IL1RAPL2: variants seen among roughly 807,000 people sequenced by gnomAD.
IL1RAPL2 encodes the protein interleukin 1 receptor accessory protein like 2.
In IL1RAPL2, 3 loss-of-function variants were observed where a neutral mutation model predicts 44.1. The observed-to-expected ratio is 0.07, with a 90% CI of 0.03 to 0.18. The LOEUF (loss-of-function observed/expected upper bound fraction) is 0.18. Ranked by LOEUF, IL1RAPL2 falls within the 10% of genes least tolerant of loss-of-function variation. The pLI, the probability that IL1RAPL2 is intolerant of heterozygous loss-of-function variation, is 1.00. For synonymous variants in IL1RAPL2, 181 were observed against 178.8 expected, an observed-to-expected ratio of 1.01 and a Z score of -0.10; for missense variants, 391 against 496.4, an observed-to-expected ratio of 0.79 and a Z score of 2.02.
chrX:105,558,211 G>C (rs1448572488), intron 6 of IL1RAPL2, among the ~76,000 whole-genome samples: 1 of 111,266 alleles, frequency 9.0e-6, no homozygotes, highest in Non-Finnish European at 1.9e-5. Flanking sequence ...GTGACTTTTT[G>C]TGTCTCAAAA....
At chrX:105,753,567 G>A (rs1225709717) in intron 9 of IL1RAPL2, among the ~76,000 whole-genome samples, 1 of 111,184 alleles carries the variant, frequency 9.0e-6, no homozygotes. Flanking sequence ...TTGGAACAAG[G>A]GCAGAGGTGC....
Position 104,673,257 on chromosome X carries a change from G to C in IL1RAPL2, c.82+14262G>C, listed in dbSNP as rs1349289499. On this transcript the variant is annotated intron_variant, in intron 2 of 10. Transcript: ENST00000372582. ...TCTAACGTTTAAGTCTTTAATCCAT[G>C]TTGAACTGATTTTTGTATAAGGTGT... Among the ~76,000 whole-genome samples the C allele has an allele frequency of 3.6e-5, 4 of 111,508 alleles. No individual in the cohort carries two copies. In the East Asian group the frequency reaches 1.1e-3, roughly 32 times the overall value.
At chrX:105,573,115 A>G (rs1484655383) in intron 6 of IL1RAPL2, among the ~76,000 whole-genome samples, 3 of 110,982 alleles carry the variant, frequency 2.7e-5, no homozygotes, top group Non-Finnish European at 3.8e-5. Flanking sequence ...CTGGAGTGCA[A>G]TGGTGTGATC....
At chrX:104,814,761 T>A (rs1249906788) in intron 2 of IL1RAPL2, among the ~76,000 whole-genome samples, 3 of 112,354 alleles carry the variant, frequency 2.7e-5, no homozygotes, top group Non-Finnish European at 5.6e-5. Context: ...TGTGGCAGTC[T>A]GCATTATACA....
At chrX:104,751,973 G>A (rs939459240) in intron 2 of IL1RAPL2, among the ~76,000 whole-genome samples, 2 of 111,103 alleles carry the variant, frequency 1.8e-5, no homozygotes, top group African/African-American at 6.5e-5. Context: ...TAACAAAACA[G>A]CAATCACCCC....
intron 4 of IL1RAPL2, among the ~76,000 whole-genome samples, chrX:105,236,261 C>T (rs781838328): frequency 8.9e-6 from 1 of 112,141 alleles, no homozygotes; most frequent in Admixed American, 9.5e-5. Flanking sequence ...CATACTCAAG[C>T]AATTTACTGC....
chrX:105,219,384 G>C lies in IL1RAPL2; in HGVS notation c.357-14434G>C, dbSNP rs1388477620. 1.2e-5 allele frequency: 15 copies of C among 1,208,353 alleles called. 1 individual carries two copies. In the Middle Eastern group the frequency reaches 1.1e-3, roughly 93 times the overall value. ...CAGAGAAATAAGATGTGGCTGTTTC[G>C]ACCGACCGGAGATCTCCCTCCTTCT... is the stretch of plus-strand genomic sequence containing the variant. On this transcript the variant is annotated intron_variant, in intron 3 of 10. Transcript: ENST00000372582.
At chrX:105,709,551 T>C (rs1479364383) in intron 6 of IL1RAPL2, among the ~76,000 whole-genome samples, 1 of 111,677 alleles carries the variant, frequency 9.0e-6, no homozygotes, top group Non-Finnish European at 1.9e-5. Context: ...ATTCTCTCAG[T>C]TGACCCTATA....
In IL1RAPL2 at chrX:104,611,930, G is replaced by C. The variant is rs146875010; in HGVS notation, c.-20+44879G>C. Reference sequence around the variant, plus strand: ...ATGGGACCCATTGAGCCAGGCACCAGAGGGAATCTCCTGGGATGCAGACCA... The same window carrying C: ...ATGGGACCCATTGAGCCAGGCACCACAGGGAATCTCCTGGGATGCAGACCA... On this transcript the variant is annotated intron_variant, in intron 1 of 10. Transcript: ENST00000372582. 5.3e-3 allele frequency among the ~76,000 whole-genome samples: 582 copies of C among 109,853 alleles called. 5 individuals are homozygous for C. The highest frequency in any genetic ancestry group is 0.018 in the African/African-American group (551 of 30,252).
intron 2 of IL1RAPL2, among the ~76,000 whole-genome samples, chrX:104,982,168 G>A (rs772413929): frequency 1.8e-5 from 2 of 110,447 alleles, no homozygotes; most frequent in South Asian, 3.8e-4. Flanking sequence ...AACTGATCAC[G>A]TGATTCCTGT....
chrX:105,157,387 A>G (rs1043676569), intron 2 of IL1RAPL2, among the ~76,000 whole-genome samples: 1 of 111,690 alleles, frequency 9.0e-6, no homozygotes, highest in Non-Finnish European at 1.9e-5. Context: ...GAAAAGTTCT[A>G]TCTTCAAGTC....
At chrX:105,546,459 A>G (rs1242996555) in intron 6 of IL1RAPL2, among the ~76,000 whole-genome samples, 3 of 108,467 alleles carry the variant, frequency 2.8e-5, no homozygotes, top group Non-Finnish European at 3.8e-5. Flanking sequence ...AAGGAAAATA[A>G]GAAAGGTATC....
intron 2 of IL1RAPL2, among the ~76,000 whole-genome samples, chrX:104,700,144 A>G (rs182188720): frequency 6.9e-4 from 78 of 112,243 alleles, no homozygotes; most frequent in Admixed American, 5.3e-3. Context: ...TAATGTACAG[A>G]TAAGCAAATT....
At chrX:105,319,144 G>A (rs754544614) in intron 5 of IL1RAPL2, among the ~76,000 whole-genome samples, 9 of 111,821 alleles carry the variant, frequency 8.0e-5, no homozygotes, top group Admixed American at 7.6e-4. Context: ...GCTTTGAGAT[G>A]AGCTTTTTCT....
At chrX:105,355,927 A>T (rs1363991977) in intron 5 of IL1RAPL2, among the ~76,000 whole-genome samples, 1 of 111,143 alleles carries the variant, frequency 9.0e-6, no homozygotes, top group Non-Finnish European at 1.9e-5. Context: ...AATAGGCTAT[A>T]CAATCTAAGA....
intron 2 of IL1RAPL2, among the ~76,000 whole-genome samples, chrX:104,816,130 G>GA (rs1444180051): frequency 2.7e-5 from 3 of 110,582 alleles, no homozygotes; most frequent in Non-Finnish European, 5.7e-5. Flanking sequence ...GGCCTGCTTA[G>GA]AAAAAAAATA....
intron 2 of IL1RAPL2, among the ~76,000 whole-genome samples, chrX:104,917,279 A>G (rs1265360566): frequency 8.9e-6 from 1 of 111,827 alleles, no homozygotes; most frequent in Non-Finnish European, 1.9e-5. Context: ...GTTTATTGAA[A>G]GTGAAAGAAA....
chrX:105,604,456 T>C (rs1006283669), intron 6 of IL1RAPL2, among the ~76,000 whole-genome samples: 23 of 108,986 alleles, frequency 2.1e-4, no homozygotes, highest in African/African-American at 2.3e-4. Flanking sequence ...CAGGAAGAAA[T>C]AGGAAACCTG....
At chrX:105,759,934 C>T (rs190909400) in intron 10 of IL1RAPL2, among the ~76,000 whole-genome samples, 209 of 111,747 alleles carry the variant, frequency 1.9e-3, no homozygotes, top group African/African-American at 6.6e-3. Context: ...GTAATAAAAT[C>T]GTTTTCCAGA....
Sources: gnomAD v4.1 joint callset for allele counts (sites outside exome capture counted in the v4.1 genomes callset) on GRCh38, gnomAD v4.1.1 for gene constraint, MANE v1.5 for transcripts, NCBI Gene and HGNC (gene_info 2026-07-23, HGNC 2026-07-21) for gene names.